The following PPP1R9A variants were observed in gnomAD, a reference collection of about 807,000 sequenced individuals.
The protein encoded by PPP1R9A is protein phosphatase 1 regulatory subunit 9A.
A neutral mutation model predicts 141.9 loss-of-function variants in PPP1R9A; 59 were observed. The ratio of observed to expected loss-of-function variants is 0.42; its 90% CI spans 0.34 to 0.52. The LOEUF (loss-of-function observed/expected upper bound fraction) is 0.52. PPP1R9A is among the 20% of genes least tolerant of loss of function. PPP1R9A has a pLI of 0.10. For missense variants in PPP1R9A, 1,444 were observed against 1,611.9 expected, an observed-to-expected ratio of 0.90 and a Z score of 1.78; for synonymous variants, 500 against 569.7, an observed-to-expected ratio of 0.88 and a Z score of 1.74.
At chr7:94,989,630 T>C (rs1801258702) in intron 2 of PPP1R9A, among the ~76,000 whole-genome samples, 1 of 152,144 alleles carries the variant, frequency 6.6e-6, no homozygotes, top group African/African-American at 2.4e-5. Context: ...TCATTCCCAA[T>C]TTCCTTACAG....
chr7:95,103,047 C>A (rs1818999108), intron 2 of PPP1R9A, among the ~76,000 whole-genome samples: 1 of 152,176 alleles, frequency 6.6e-6, no homozygotes, highest in Admixed American at 6.5e-5. Context: ...AGACTGACTT[C>A]CATCAGAGAA....
At chr7:95,239,533 CTT>C (rs2152984195) in intron 8 of PPP1R9A, among the ~76,000 whole-genome samples, 1 of 152,108 alleles carries the variant, frequency 6.6e-6, no homozygotes, top group Non-Finnish European at 1.5e-5. Context: ...GCACCCCAAT[CTT>C]TGCAAGAGAG....
chr7:95,285,342 C>G (rs1333370842), intron 17 of PPP1R9A, among the ~76,000 whole-genome samples: 8 of 152,206 alleles, frequency 5.3e-5, no homozygotes, highest in African/African-American at 1.9e-4. Flanking sequence ...TTGATAGCAG[C>G]ACATCACTTT....
In PPP1R9A at chr7:95,215,498, T is replaced by G. The variant is rs895315440; in HGVS notation, c.1957-10463T>G. On this transcript the variant is annotated intron_variant, in intron 7 of 19. Coordinates refer to ENST00000433360, the MANE Select transcript of PPP1R9A (RefSeq NM_001166160.2). ...TTGGGTATATACCCAGTAATGGGAT[T>G]GCTGGGTCAAATGGTATTTCTAGTT... is the stretch of plus-strand genomic sequence containing the variant. 4.7e-4 allele frequency among the ~76,000 whole-genome samples: 71 copies of G among 152,240 alleles called. 1 individual carries two copies. Among genetic ancestry groups the G allele is most frequent in the African/African-American group, 1.4e-4 (6 of 41,560 alleles).
intron 17 of PPP1R9A, 146 bp downstream of exon 17, chr7:95,284,476 A>T: frequency 1.2e-6 from 1 of 853,276 alleles, no homozygotes; most frequent in East Asian, 2.7e-5. Flanking sequence ...TTGCTATTTA[A>T]TCTCAGTTTG....
chr7:94,976,653 A>G (rs946958094), intron 2 of PPP1R9A, among the ~76,000 whole-genome samples: 1 of 152,172 alleles, frequency 6.6e-6, no homozygotes, highest in African/African-American at 2.4e-5. Context: ...TGGTGAATAT[A>G]TGTGTTCATT....
At chr7:95,144,337 G>A (rs1827218354) in intron 4 of PPP1R9A, among the ~76,000 whole-genome samples, 2 of 152,028 alleles carry the variant, frequency 1.3e-5, no homozygotes, top group Admixed American at 1.3e-4. Context: ...TTTTAAGGCT[G>A]AATAATACTT....
intron 3 of PPP1R9A, among the ~76,000 whole-genome samples, chr7:95,112,206 C>T (rs1411345632): frequency 6.7e-6 from 1 of 149,196 alleles, no homozygotes; most frequent in Non-Finnish European, 1.5e-5. Context: ...AAATACTCAA[C>T]AACAACAACA....
chr7:95,119,171 T>C (rs1401208256), intron 3 of PPP1R9A, among the ~76,000 whole-genome samples: 1 of 152,158 alleles, frequency 6.6e-6, no homozygotes, highest in Non-Finnish European at 1.5e-5. Flanking sequence ...TACAAAGACT[T>C]TGAGGCTATC....
intron 3 of PPP1R9A, among the ~76,000 whole-genome samples, chr7:95,120,119 G>T (rs992149375): frequency 2.0e-5 from 3 of 151,580 alleles, no homozygotes; most frequent in African/African-American, 7.3e-5. Flanking sequence ...CCCACACCCG[G>T]CTAACTTTTT....
intron 5 of PPP1R9A, among the ~76,000 whole-genome samples, chr7:95,181,542 T>C (rs963696068): frequency 2.4e-4 from 33 of 135,930 alleles, no homozygotes; most frequent in Non-Finnish European, 4.0e-4. Context: ...ATATAGAATA[T>C]AGAGAGAGAA....
At chr7:95,034,142 G>A in intron 2 of PPP1R9A, among the ~76,000 whole-genome samples, 1 of 151,948 alleles carries the variant, frequency 6.6e-6, no homozygotes, top group East Asian at 1.9e-4. Flanking sequence ...TATAAATAGT[G>A]TATATTTTCA....
chr7:94,940,423 A>G (rs995394757), intron 2 of PPP1R9A, among the ~76,000 whole-genome samples: 1 of 151,770 alleles, frequency 6.6e-6, no homozygotes, highest in Admixed American at 6.6e-5. Context: ...ATCCTCCTTA[A>G]TACTATTTTT....
intron 2 of PPP1R9A, among the ~76,000 whole-genome samples, chr7:95,006,284 C>T (rs1200128148): frequency 6.6e-6 from 1 of 151,926 alleles, no homozygotes; most frequent in African/African-American, 2.4e-5. Context: ...GCCGCACAAT[C>T]TCCGCTCACT....
In PPP1R9A at chr7:95,293,362, C is replaced by G. The variant is rs1295687045; in HGVS notation, c.*3059C>G. On this transcript the variant is annotated 3_prime_UTR_variant, in exon 20 of 20. Coordinates refer to ENST00000433360, the MANE Select transcript of PPP1R9A (RefSeq NM_001166160.2). Reference sequence around the variant, plus strand: ...GGGAAGAAACCTCATTTCATCCATTCTAACACTCCTGATGAAGTCCCCCTT... The same window carrying G: ...GGGAAGAAACCTCATTTCATCCATTGTAACACTCCTGATGAAGTCCCCCTT... 1 of 152,154 alleles carries G rather than the reference C, an allele frequency of 6.6e-6. No individual in the cohort carries two copies. Among genetic ancestry groups the G allele is most frequent in the Admixed American group, 6.5e-5 (1 of 15,274 alleles). The allele number at this position is 152,154 out of a possible 1,614,324, so 9.4% of individuals were successfully genotyped here.
At chr7:95,190,629 T>C (rs1835359575) in intron 5 of PPP1R9A, among the ~76,000 whole-genome samples, 1 of 152,240 alleles carries the variant, frequency 6.6e-6, no homozygotes. Context: ...CATGAGTTGC[T>C]GTAATGTCCT....
intron 19 of PPP1R9A, among the ~76,000 whole-genome samples, 183 bp downstream of exon 19, chr7:95,288,901 G>T (rs903273347): frequency 2.0e-5 from 3 of 152,200 alleles, no homozygotes; most frequent in Middle Eastern, 3.4e-3. Flanking sequence ...TCCATCAGGG[G>T]TTCCAAATCA....
chr7:95,250,208 A>C lies in PPP1R9A; in HGVS notation c.2349A>C (p.Glu783Asp). The C allele has an allele frequency of 6.2e-7, 1 of 1,613,316 alleles. No individual in the cohort carries two copies. The highest frequency in any genetic ancestry group is 8.5e-7 in the Non-Finnish European group (1 of 1,179,800). ...CTCAAAGCCAGTATCAGGCCTTGGA[A>C]AAGAAATACAACAAGGCAAAGAAGT... Reference protein sequence around the residue: ...KETQSQYQALEKKYNKAKKLI... With the variant: ...KETQSQYQALDKKYNKAKKLI... Residue 783 changes from glutamate (E) to aspartate (D), a missense_variant, in exon 10 of 20, where the codon GAA becomes GAC. Coordinates refer to ENST00000433360, the MANE Select transcript of PPP1R9A (RefSeq NM_001166160.2).
At chr7:94,918,528 T>C (rs1207540686) in intron 2 of PPP1R9A, among the ~76,000 whole-genome samples, 1 of 152,142 alleles carries the variant, frequency 6.6e-6, no homozygotes, top group African/African-American at 2.4e-5. Context: ...CACTTTGAAG[T>C]GCACAATTCA....
Sources: gnomAD v4.1 joint callset for allele counts (sites outside exome capture counted in the v4.1 genomes callset) on GRCh38, gnomAD v4.1.1 for gene constraint, MANE v1.5 for transcripts, NCBI Gene and HGNC (gene_info 2026-07-23, HGNC 2026-07-21) for gene names.